TRIM66: variants seen among roughly 807,000 people sequenced by gnomAD.
TRIM66 encodes the protein tripartite motif containing 66, also known as tripartite motif-containing protein 66.
Under a neutral mutation model 148.2 loss-of-function variants are expected in TRIM66, and 99 were observed. The observed-to-expected ratio is 0.67, with a 90% CI of 0.57 to 0.79. The LOEUF (loss-of-function observed/expected upper bound fraction) is 0.79. Ranked by LOEUF, TRIM66 falls within the 30% of genes least tolerant of loss-of-function variation. TRIM66 has a pLI of 0.00. For synonymous variants in TRIM66, 616 were observed against 635.9 expected (o/e 0.97, Z 0.47); for missense variants, 1,666 against 1,697.9 (o/e 0.98, Z 0.33).
intron 6 of TRIM66, 108 bp downstream of exon 6, chr11:8,671,678 T>C: frequency 3.1e-6 from 2 of 638,836 alleles, no homozygotes; most frequent in East Asian, 2.7e-5. Context: ...TGAGTGTCCC[T>C]TGGGCATTTA....
chr11:8,682,453 G>A (rs532246926), intron 1 of TRIM66, 148 bp downstream of exon 1: 72 of 357,974 alleles, frequency 2.0e-4, no homozygotes, highest in Non-Finnish European at 3.3e-4. Context: ...CAGACAACGA[G>A]GCCCTTAGGG....
intron 20 of TRIM66, 132 bp from the exon 21 acceptor site, chr11:8,620,704 A>T: frequency 7.2e-7 from 1 of 1,395,204 alleles, no homozygotes; most frequent in Non-Finnish European, 9.5e-7. Context: ...CTTTCTAGCC[A>T]CAGGCTTGGA....
intron 16 of TRIM66, 79 bp from the exon 17 acceptor site, chr11:8,624,630 A>C: frequency 3.4e-6 from 5 of 1,478,168 alleles, no homozygotes; most frequent in Non-Finnish European, 4.5e-6. Context: ...TGTTAAGCTA[A>C]GGTCAGAATA....
chr11:8,619,082 G>A, intron 23 of TRIM66, 114 bp from the exon 24 acceptor site: 3 of 975,340 alleles, frequency 3.1e-6, no homozygotes. Context: ...TGAGGTGTCT[G>A]GAACTTGACA....
chr11:8,662,466 C>A (rs569417582), intron 6 of TRIM66, among the ~76,000 whole-genome samples: 1 of 152,146 alleles, frequency 6.6e-6, no homozygotes, highest in Non-Finnish European at 1.5e-5. Context: ...TAGTAGTGTT[C>A]GGGGATGCTG....
chr11:8,646,622 A>G, intron 10 of TRIM66, 61 bp from the exon 11 acceptor site: 1 of 1,377,664 alleles, frequency 7.3e-7, no homozygotes, highest in Non-Finnish European at 1.0e-6. Context: ...GAAGACGAAG[A>G]GACAGCAAAC....
At chr11:8,628,634 A>G (rs75004016) in intron 15 of TRIM66, among the ~76,000 whole-genome samples, 34,075 of 80,938 alleles carry the variant, frequency 0.42, 6,069 homozygotes, top group Non-Finnish European at 0.45. Flanking sequence ...AAAAAAAAAA[A>G]AAAGAGAGAG....
At chr11:8,648,762 C>T (rs1483023765) in intron 8 of TRIM66, among the ~76,000 whole-genome samples, 13 of 152,218 alleles carry the variant, frequency 8.5e-5, no homozygotes, top group Admixed American at 1.3e-4. Flanking sequence ...AATAGCACAC[C>T]ATCAAGCCCA....
In TRIM66 at chr11:8,617,329, A is replaced by C. The variant is rs191548060; in HGVS notation, c.*615T>G. On this transcript the variant is annotated 3_prime_UTR_variant, in exon 25 of 25. Coordinates refer to ENST00000646038, the MANE Select transcript of TRIM66 (RefSeq NM_001388022.1). ...CACCTATGTCAACATCAGGAAAGTG[A>C]CTATGCAAAACAAATACCCTGAAAA... The C allele has an allele frequency of 6.5e-6, 1 of 152,772 alleles. No individual in the cohort carries two copies. Among genetic ancestry groups the C allele is most frequent in the Non-Finnish European group, 1.5e-5 (1 of 68,222 alleles). The allele number at this position is 152,772 out of a possible 1,614,324, so 9.5% of individuals were successfully genotyped here. A position where few individuals can be genotyped will look rare whatever the true frequency, so the allele number is the denominator to read the frequency against.
Position 8,643,121 on chromosome 11 carries a change from C to T in TRIM66, c.1110G>A (p.Val370=). Residue 370 remains valine, a synonymous_variant, in exon 13 of 25, where the codon GTG becomes GTA. Coordinates refer to ENST00000646038, the MANE Select transcript of TRIM66 (RefSeq NM_001388022.1). ...TCTCCAGCAATCGCTGCATCTGAAACACAATCTGACAACAGCACCAAAGGT... is the reference window on the plus strand; with the variant it reads ...TCTCCAGCAATCGCTGCATCTGAAATACAATCTGACAACAGCACCAAAGGT... ...VPFLFSKELI[V]FQMQRLLETS... 2 of 1,550,726 alleles carry T rather than the reference C, an allele frequency of 1.3e-6. No individual in the cohort carries two copies. Among genetic ancestry groups the T allele is most frequent in the Non-Finnish European group, 1.7e-6 (2 of 1,146,592 alleles).
chr11:8,618,091 C>A, intron 24 of TRIM66, 88 bp from the exon 25 acceptor site: 2 of 1,265,734 alleles, frequency 1.6e-6, no homozygotes, highest in South Asian at 1.3e-5. Context: ...GCAGTTCTGC[C>A]AAGTCAACGT....
At chr11:8,665,372 G>T (rs573559749) in intron 6 of TRIM66, among the ~76,000 whole-genome samples, 2 of 152,216 alleles carry the variant, frequency 1.3e-5, no homozygotes, top group Non-Finnish European at 2.9e-5. Flanking sequence ...AAAATATTCA[G>T]TGGGCAACTG....
In TRIM66 at chr11:8,646,535, C is replaced by T. The variant is rs61741649; in HGVS notation, c.869G>A (p.Arg290Lys). The change falls in exon 11 of 25, where the codon AGG becomes AAG. Residue 290 changes from arginine to lysine, a missense_variant. By Grantham distance (26) the Arg-to-Lys change is conservative. This residue lies in a region of TRIM66 where 1,431 missense variants were observed against 1,412.4 expected (regional missense o/e 1.01). Transcript: ENST00000646038. ...CATTTTGATCTGGTTTTCCACCTTC[C>T]TATGCTGATGCTTCACTTCAAAAAT... ...DRIFEVKHQH[R>K]KVENQIKMAK... 0.064 allele frequency: 99,795 copies of T among 1,551,706 alleles called. 3,659 individuals carry two copies. The highest frequency in any genetic ancestry group is 0.069 in the Non-Finnish European group (79,302 of 1,146,856).
chr11:8,664,201 C>A (rs1172736783), intron 6 of TRIM66, among the ~76,000 whole-genome samples: 1 of 152,208 alleles, frequency 6.6e-6, no homozygotes, highest in Non-Finnish European at 1.5e-5. Context: ...AGTCATTCTG[C>A]AACGTATCTA....
chr11:8,642,942 A>C, intron 13 of TRIM66, 67 bp downstream of exon 13: 3 of 1,107,248 alleles, frequency 2.7e-6, no homozygotes, highest in Non-Finnish European at 3.8e-6. Context: ...TGACCTACCC[A>C]GTAAGGTAAG....
Position 8,620,563 on chromosome 11 carries a change from C to T in TRIM66, c.3555G>A (p.Trp1185Ter). ...TCAGGCTGCGGCACAAGGTACACAC[C>T]CACTCTCCCCTGCAGGGGCAGGTGA... Reference protein sequence around the residue: ...PALLSFPGGEWVCTLCRSLTQ... With the variant: ...PALLSFPGGE Residue 1185 changes from tryptophan to a stop codon, truncating the protein, a stop_gained, in exon 21 of 25, where the codon TGG (tryptophan) becomes TGA (stop). Coordinates refer to ENST00000646038, the MANE Select transcript of TRIM66 (RefSeq NM_001388022.1). LOFTEE classifies it high-confidence loss of function. The T allele has an allele frequency of 6.4e-7, 1 of 1,551,728 alleles. No homozygotes were observed. The highest frequency in any genetic ancestry group is 8.7e-7 in the Non-Finnish European group (1 of 1,147,030).
intron 6 of TRIM66, among the ~76,000 whole-genome samples, chr11:8,667,208 G>C (rs1012547967): frequency 6.6e-6 from 1 of 152,072 alleles, no homozygotes; most frequent in Admixed American, 6.6e-5. Context: ...CCTTAAATGA[G>C]ATCAAAGACC....
chr11:8,624,603 A>T, intron 16 of TRIM66, 52 bp from the exon 17 acceptor site: 1 of 1,496,254 alleles, frequency 6.7e-7, no homozygotes, highest in Non-Finnish European at 8.9e-7. Flanking sequence ...CATGGTTGTC[A>T]TTAGTGGTCT....
chr11:8,668,801 G>C (rs965774070), intron 6 of TRIM66, among the ~76,000 whole-genome samples: 7 of 152,050 alleles, frequency 4.6e-5, no homozygotes, highest in Non-Finnish European at 8.8e-5. Flanking sequence ...GCCCAGGCTG[G>C]TCTCGAACTC....
Sources: gnomAD v4.1 joint callset for allele counts (sites outside exome capture counted in the v4.1 genomes callset) on GRCh38, gnomAD v4.1.1 for gene constraint, gnomAD v4.1.1 regional missense constraint, MANE v1.5 for transcripts, NCBI Gene and HGNC (gene_info 2026-07-23, HGNC 2026-07-21) for gene names.